SLC35D4: variants seen among roughly 807,000 people sequenced by gnomAD.
SLC35D4 encodes solute carrier family 35 member D4, also known as UDP-N-acetylglucosamine transporter SLC35D4.
At chr18:23,391,661 T>C in the SLC35D4 span, among the ~76,000 whole-genome samples, 1 of 152,192 alleles carries the variant, frequency 6.6e-6, no homozygotes, top group Admixed American at 6.5e-5. Context: ...CTACTTATTT[T>C]ATTTTTTGTA....
the SLC35D4 span, among the ~76,000 whole-genome samples, chr18:23,291,704 C>A: frequency 1.3e-5 from 2 of 152,232 alleles, no homozygotes; most frequent in South Asian, 4.1e-4. Context: ...CACTGCAAGG[C>A]TGCTTTGACC....
At chr18:23,387,742 A>G in the SLC35D4 span, among the ~76,000 whole-genome samples, 1 of 151,862 alleles carries the variant, frequency 6.6e-6, no homozygotes, top group Admixed American at 6.6e-5. Flanking sequence ...TTAAAAAAAC[A>G]TTTTCTATTT....
chr18:23,241,798 C>T, the SLC35D4 span, among the ~76,000 whole-genome samples: 5 of 152,226 alleles, frequency 3.3e-5, no homozygotes, highest in East Asian at 3.9e-4. Flanking sequence ...GGCCCCTCGT[C>T]GCCACAGTCA....
At chr18:23,239,146 G>A in the SLC35D4 span, among the ~76,000 whole-genome samples, 1 of 152,206 alleles carries the variant, frequency 6.6e-6, no homozygotes, top group Non-Finnish European at 1.5e-5. Context: ...ATGTGTGTAT[G>A]TGCGTGTGCA....
the SLC35D4 span, among the ~76,000 whole-genome samples, chr18:23,287,023 C>T: frequency 2.0e-5 from 3 of 150,706 alleles, no homozygotes; most frequent in Admixed American, 6.6e-5. Context: ...CCTAATCACC[C>T]TTACCCCGCT....
At chr18:23,241,111 T>A in the SLC35D4 span, among the ~76,000 whole-genome samples, 1 of 152,250 alleles carries the variant, frequency 6.6e-6, no homozygotes, top group Non-Finnish European at 1.5e-5. Context: ...TTTTACCTAT[T>A]CTGAAACTTC....
At chr18:23,290,340 C>T in the SLC35D4 span, among the ~76,000 whole-genome samples, 1 of 152,348 alleles carries the variant, frequency 6.6e-6, no homozygotes, top group Non-Finnish European at 1.5e-5. Context: ...CCTCCCAGAA[C>T]CAGCTGCGGG....
At chr18:23,264,264 T>C in the SLC35D4 span, among the ~76,000 whole-genome samples, 2 of 152,108 alleles carry the variant, frequency 1.3e-5, no homozygotes, top group East Asian at 3.8e-4. Context: ...CTCAGGGAGC[T>C]TTTATTCATG....
At chr18:23,266,374 CTAT>C in the SLC35D4 span, among the ~76,000 whole-genome samples, 17 of 132,416 alleles carry the variant, frequency 1.3e-4, no homozygotes, top group Non-Finnish European at 2.3e-4. Flanking sequence ...AAAACAATTA[CTAT>C]TTTTACCTCC....
At chr18:23,305,593 C>A in the SLC35D4 span, among the ~76,000 whole-genome samples, 1 of 152,090 alleles carries the variant, frequency 6.6e-6, no homozygotes. Flanking sequence ...ACAGTAGTTG[C>A]CCAATAAATG....
At chr18:23,291,971 C>T in the SLC35D4 span, among the ~76,000 whole-genome samples, 3 of 152,168 alleles carry the variant, frequency 2.0e-5, no homozygotes, top group Non-Finnish European at 4.4e-5. Context: ...CTGGCTTCCC[C>T]CAGAACAAGG....
the SLC35D4 span, among the ~76,000 whole-genome samples, chr18:23,403,281 A>C: frequency 6.6e-6 from 1 of 152,176 alleles, no homozygotes; most frequent in African/African-American, 2.4e-5. Flanking sequence ...TGTTCATATA[A>C]AATAAATGAA....
chr18:23,432,805 A>T, the SLC35D4 span, among the ~76,000 whole-genome samples: 1 of 151,614 alleles, frequency 6.6e-6, no homozygotes, highest in African/African-American at 2.4e-5. Context: ...ACATGGTGAG[A>T]CCCTATCTTG....
chr18:23,355,405 A>G, the SLC35D4 span, among the ~76,000 whole-genome samples: 1 of 152,198 alleles, frequency 6.6e-6, no homozygotes, highest in East Asian at 1.9e-4. Context: ...CCAGACTCAA[A>G]GGGAAACAAG....
chr18:23,384,020 GT>G, the SLC35D4 span, among the ~76,000 whole-genome samples: 3 of 131,190 alleles, frequency 2.3e-5, no homozygotes, highest in African/African-American at 8.4e-5. Flanking sequence ...GGGGTGTGAT[GT>G]TTTACACCTG....
At chr18:23,352,212 C>T in the SLC35D4 span, 54 of 1,610,302 alleles carry the variant, frequency 3.4e-5, no homozygotes, top group East Asian at 1.2e-3. Flanking sequence ...AAAGAAAATC[C>T]AGGCTGCACA....
the SLC35D4 span, among the ~76,000 whole-genome samples, chr18:23,303,133 C>T: frequency 6.6e-6 from 1 of 152,230 alleles, no homozygotes; most frequent in Admixed American, 6.5e-5. Flanking sequence ...GCTGGTCACC[C>T]AGCCACGCTT....
the SLC35D4 span, among the ~76,000 whole-genome samples, chr18:23,419,938 A>AT: frequency 6.6e-6 from 1 of 152,192 alleles, no homozygotes; most frequent in Non-Finnish European, 1.5e-5. Context: ...TTATATACGT[A>AT]TGTATGCATA....
the SLC35D4 span, among the ~76,000 whole-genome samples, chr18:23,285,830 C>T: frequency 1.2e-4 from 19 of 152,164 alleles, no homozygotes; most frequent in Non-Finnish European, 2.5e-4. Context: ...AGCCCTCCCC[C>T]ACCCGCCCAG....
Sources: gnomAD v4.1 joint callset for allele counts (sites outside exome capture counted in the v4.1 genomes callset) on GRCh38, gnomAD v4.1.1 for gene constraint, MANE v1.5 for transcripts, NCBI Gene and HGNC (gene_info 2026-07-23, HGNC 2026-07-21) for gene names.